ELP4: variants seen among roughly 807,000 people sequenced by gnomAD.
ELP4 encodes elongator acetyltransferase complex subunit 4, also known as elongator complex protein 4.
A neutral mutation model predicts 48.9 loss-of-function variants in ELP4; 51 were observed. The observed-to-expected ratio is 1.04, with a 90% CI of 0.83 to 1.32. ELP4 has a LOEUF of 1.32. Among genes scored for constraint, ELP4 ranks in the 40% most tolerant of loss-of-function variants. The probability of loss-of-function intolerance (pLI) is 0.00; values close to 1 mark genes in which losing one functional copy is unlikely to be tolerated. For synonymous variants in ELP4, 210 were observed against 189.2 expected, an observed-to-expected ratio of 1.11 and a Z score of -0.90; for missense variants, 519 against 514.6, an observed-to-expected ratio of 1.01 and a Z score of -0.08.
intron 9 of ELP4, among the ~76,000 whole-genome samples, chr11:31,724,410 T>G (rs775815778): frequency 5.3e-4 from 81 of 152,282 alleles, no homozygotes; most frequent in Middle Eastern, 3.2e-3. Context: ...ATTGAAATGC[T>G]GTTATAAAAT....
At position 31,755,731 on chromosome 11, in the gene ELP4, A is replaced by C. The variant is rs1387619800; in HGVS notation, c.1144-27662A>C. ...AATGCAAGTGGGATCCTGGAATTAC[A>C]AAAAAAAAAAAAAAAAAGAATATTA... is the stretch of plus-strand genomic sequence containing the variant. On this transcript the variant is annotated intron_variant, in intron 9 of 9. Coordinates refer to ENST00000640961, the MANE Select transcript of ELP4 (RefSeq NM_019040.5). Among the ~76,000 whole-genome samples, 16 of 66,130 alleles carry C rather than the reference A, an allele frequency of 2.4e-4. No individual in the cohort carries two copies. In the South Asian group the frequency reaches 7.2e-3, roughly 30 times the overall value. The allele number at this position is 66,130 out of a possible 152,430, so 43.4% of individuals were successfully genotyped here.
chr11:31,550,836 G>C (rs1956837253), intron 3 of ELP4, among the ~76,000 whole-genome samples: 1 of 152,118 alleles, frequency 6.6e-6, no homozygotes, highest in South Asian at 2.1e-4. Flanking sequence ...TGGCCCTCCA[G>C]AAGGTCAACA....
chr11:31,656,610 TACTC>T (rs1459273540), intron 9 of ELP4, among the ~76,000 whole-genome samples: 4 of 152,166 alleles, frequency 2.6e-5, no homozygotes, highest in Non-Finnish European at 5.9e-5. Context: ...ATAACTAAGT[TACTC>T]AGGAAATTTA....
At position 31,615,249 on chromosome 11, in the gene ELP4, T is replaced by TA. The variant is rs574422588; in HGVS notation, c.653+11343dup. ...CATACATGCATATATTTCATTAAAT[T>TA]ATGGTTATGTTTAAATGGGTAAGAA... On this transcript the variant is annotated intron_variant, in intron 5 of 9. Transcript: ENST00000640961. Among the ~76,000 whole-genome samples, 285 of 152,216 alleles carry TA rather than the reference T, an allele frequency of 1.9e-3. 1 individual carries two copies. The highest frequency in any genetic ancestry group is 3.1e-3 in the Non-Finnish European group (212 of 67,982).
intron 9 of ELP4, among the ~76,000 whole-genome samples, chr11:31,754,387 A>G (rs1381331869): frequency 6.6e-6 from 1 of 152,102 alleles, no homozygotes; most frequent in East Asian, 1.9e-4. Flanking sequence ...CCGAGCTGCA[A>G]CCACCTTCAT....
intron 3 of ELP4, among the ~76,000 whole-genome samples, chr11:31,546,249 G>T (rs539462669): frequency 6.6e-6 from 1 of 152,080 alleles, no homozygotes; most frequent in South Asian, 2.1e-4. Flanking sequence ...CATCTCACAT[G>T]CAGAGACACA....
At chr11:31,625,890 C>G (rs1322554768) in intron 5 of ELP4, among the ~76,000 whole-genome samples, 1 of 151,652 alleles carries the variant, frequency 6.6e-6, no homozygotes, top group Non-Finnish European at 1.5e-5. Flanking sequence ...CGTTTCCACA[C>G]TCATGAAAAA....
chr11:31,728,643 T>C (rs1034990513), intron 9 of ELP4, among the ~76,000 whole-genome samples: 7 of 152,194 alleles, frequency 4.6e-5, no homozygotes, highest in African/African-American at 1.7e-4. Flanking sequence ...TTGTAACCAT[T>C]GGTTGCTGGG....
intron 7 of ELP4, among the ~76,000 whole-genome samples, chr11:31,643,385 C>G (rs1945138634): frequency 6.6e-6 from 1 of 151,838 alleles, no homozygotes; most frequent in African/African-American, 2.4e-5. Context: ...TTACCCCTTT[C>G]AAGCTTCTTG....
At chr11:31,719,628 TAA>T in intron 9 of ELP4, 3 of 394,856 alleles carry the variant, frequency 7.6e-6, no homozygotes, top group Non-Finnish European at 1.3e-5. Flanking sequence ...TTTTCTTCAC[TAA>T]AAGTTTTTAT....
intron 9 of ELP4, chr11:31,682,155 A>C: frequency 9.0e-7 from 1 of 1,109,792 alleles, no homozygotes; most frequent in South Asian, 1.7e-5. Context: ...CAGCCAAGCT[A>C]TTGACAAATC....
intron 1 of ELP4, among the ~76,000 whole-genome samples, chr11:31,516,840 T>A (rs981232340): frequency 6.6e-6 from 1 of 152,218 alleles, no homozygotes; most frequent in Non-Finnish European, 1.5e-5. Context: ...CTTATGTTTA[T>A]CTTTTCATCT....
At chr11:31,574,685 A>C (rs1416971049) in intron 3 of ELP4, among the ~76,000 whole-genome samples, 1 of 152,148 alleles carries the variant, frequency 6.6e-6, no homozygotes, top group African/African-American at 2.4e-5. Flanking sequence ...TCTGGAGTGG[A>C]CCTCCGGCAA....
intron 3 of ELP4, among the ~76,000 whole-genome samples, chr11:31,587,722 A>G (rs1350097223): frequency 6.6e-6 from 1 of 152,030 alleles, no homozygotes; most frequent in Admixed American, 6.6e-5. Context: ...TTTATGGGTA[A>G]GTGTAAACTG....
At chr11:31,609,459 G>A (rs946003856) in intron 5 of ELP4, among the ~76,000 whole-genome samples, 3 of 152,036 alleles carry the variant, frequency 2.0e-5, no homozygotes, top group Non-Finnish European at 4.4e-5. Flanking sequence ...GGTCAACATG[G>A]GTATATTTTT....
At chr11:31,589,166 G>C (rs1957528357) in intron 3 of ELP4, among the ~76,000 whole-genome samples, 1 of 152,122 alleles carries the variant, frequency 6.6e-6, no homozygotes, top group African/African-American at 2.4e-5. Context: ...GGCCCACTAA[G>C]ATTGTTCCAG....
chr11:31,550,320 G>T (rs764100184), intron 3 of ELP4, among the ~76,000 whole-genome samples: 1 of 151,956 alleles, frequency 6.6e-6, no homozygotes, highest in South Asian at 2.1e-4. Flanking sequence ...AGAATTTGGC[G>T]CATGATGGAT....
At chr11:31,654,992 T>G (rs1565097888) in intron 9 of ELP4, 1 of 151,710 alleles carries the variant, frequency 6.6e-6, no homozygotes, top group African/African-American at 2.4e-5. Flanking sequence ...TATTCCTAGA[T>G]AACACTGCAG....
chr11:31,586,791 G>A lies in ELP4; in HGVS notation c.382-7979G>A, dbSNP rs764880357. ...CCGAGTAGCTGGGACTACAGGCACCGGCCACCACGCCCGGCTAATTTTGTA... is the reference window on the plus strand; with the variant it reads ...CCGAGTAGCTGGGACTACAGGCACCAGCCACCACGCCCGGCTAATTTTGTA... On this transcript the variant is annotated intron_variant, in intron 3 of 9. Transcript: ENST00000640961. Among the ~76,000 whole-genome samples the A allele has an allele frequency of 2.6e-5, 4 of 151,700 alleles. No homozygotes were observed. In the East Asian group the frequency reaches 5.9e-4, roughly 22 times the overall value.
Sources: allele counts gnomAD v4.1 joint callset (sites outside exome capture counted in the v4.1 genomes callset), GRCh38; gene constraint gnomAD v4.1.1; transcripts MANE v1.5; gene names NCBI Gene and HGNC (gene_info 2026-07-23, HGNC 2026-07-21).